The following SSBP2 variants were observed in gnomAD, a reference collection of about 807,000 sequenced individuals.
The protein encoded by SSBP2 is single-stranded DNA-binding protein 2.
A neutral mutation model predicts 61.8 loss-of-function variants in SSBP2; 17 were observed. The observed-to-expected ratio is 0.28, with a 90% CI of 0.19 to 0.41. SSBP2 has a LOEUF of 0.41. SSBP2 is among the 10% of genes least tolerant of loss of function. The probability of loss-of-function intolerance (pLI) is 1.00; values close to 1 mark genes in which losing one functional copy is unlikely to be tolerated. For missense variants in SSBP2, 310 were observed against 458.7 expected (o/e 0.68, Z 2.96); for synonymous variants, 139 against 141.3 (o/e 0.98, Z 0.12).
chr5:81,591,238 A>G (rs1775476791), intron 4 of SSBP2, among the ~76,000 whole-genome samples: 1 of 152,000 alleles, frequency 6.6e-6, no homozygotes, highest in Non-Finnish European at 1.5e-5. Flanking sequence ...CACAAACAAA[A>G]CCCAAGCCCA....
At chr5:81,522,402 A>T (rs548214346) in intron 4 of SSBP2, among the ~76,000 whole-genome samples, 1 of 152,070 alleles carries the variant, frequency 6.6e-6, no homozygotes, top group Non-Finnish European at 1.5e-5. Context: ...TTTTTTAAAT[A>T]CAATTTTTAT....
At chr5:81,613,772 T>C (rs1745693568) in intron 4 of SSBP2, among the ~76,000 whole-genome samples, 1 of 152,194 alleles carries the variant, frequency 6.6e-6, no homozygotes, top group African/African-American at 2.4e-5. Flanking sequence ...AAGGAAAAGA[T>C]GAGATGGGGT....
chr5:81,561,518 A>T (rs2153415451), intron 4 of SSBP2, among the ~76,000 whole-genome samples: 1 of 152,266 alleles, frequency 6.6e-6, no homozygotes, highest in East Asian at 1.9e-4. Context: ...AAAAATAAAT[A>T]AATAGGTAAG....
chr5:81,605,675 T>C (rs1351455905), intron 4 of SSBP2, among the ~76,000 whole-genome samples: 1 of 152,154 alleles, frequency 6.6e-6, no homozygotes, highest in East Asian at 1.9e-4. Context: ...TTGCTATTAC[T>C]TTAACACTTC....
chr5:81,693,992 A>AT lies in SSBP2; in HGVS notation c.63-43654dup, dbSNP rs747175542. ...GTGCATATACAGAATGAAGTAGGCC[A>AT]TAAAAAAAAAGAATGAGATCCTGTC... On this transcript the variant is annotated intron_variant, in intron 1 of 16. Transcript: ENST00000320672. Among the ~76,000 whole-genome samples the AT allele has an allele frequency of 1.5e-4, 23 of 152,200 alleles. 1 individual carries two copies. The highest frequency in any genetic ancestry group is 1.5e-4 in the Non-Finnish European group (10 of 68,018).
intron 4 of SSBP2, among the ~76,000 whole-genome samples, chr5:81,599,630 C>A (rs1744145691): frequency 6.6e-6 from 1 of 152,212 alleles, no homozygotes; most frequent in Non-Finnish European, 1.5e-5. Context: ...ACACGCTGTT[C>A]CCTCTGTCTA....
chr5:81,522,826 T>C (rs1769595691), intron 4 of SSBP2, among the ~76,000 whole-genome samples: 1 of 152,098 alleles, frequency 6.6e-6, no homozygotes, highest in Admixed American at 6.6e-5. Flanking sequence ...GTGCTACTTT[T>C]TTTGGTCTGT....
At chr5:81,521,827 AG>A (rs1026413567) in intron 4 of SSBP2, among the ~76,000 whole-genome samples, 17 of 151,964 alleles carry the variant, frequency 1.1e-4, no homozygotes, top group African/African-American at 1.7e-4. Flanking sequence ...AAACCTCACA[AG>A]GGTCATTTTT....
rs144528312 is a variant in SSBP2, at chr5:81,747,029, G to C, written c.62+3952C>G. On this transcript the variant is annotated intron_variant, in intron 1 of 16. Coordinates refer to ENST00000320672, the MANE Select transcript of SSBP2 (RefSeq NM_012446.5). ...GCAATCAAACAAAATTCCTGGGGGG[G>C]GGGGGAATCTGAAGAAACAAGTTTT... Among the ~76,000 whole-genome samples the C allele has an allele frequency of 1.9e-3, 269 of 139,822 alleles. 13 individuals are homozygous for C. The highest frequency in any genetic ancestry group is 6.6e-3 in the African/African-American group (258 of 38,942). 91.7% of individuals were successfully genotyped at this position (139,822 alleles called of 152,430 possible). A position where few individuals can be genotyped will look rare whatever the true frequency, so the allele number is the denominator to read the frequency against.
intron 1 of SSBP2, among the ~76,000 whole-genome samples, chr5:81,709,139 G>A (rs1454511715): frequency 2.0e-5 from 3 of 151,882 alleles, no homozygotes; most frequent in African/African-American, 7.2e-5. Context: ...TATTTGCAAA[G>A]GCTAAAACAC....
intron 12 of SSBP2, among the ~76,000 whole-genome samples, chr5:81,444,404 G>GT (rs1199605030): frequency 6.6e-6 from 1 of 152,114 alleles, no homozygotes; most frequent in Non-Finnish European, 1.5e-5. Context: ...CTTCCATGAG[G>GT]TTTTTTCCTG....
chr5:81,544,716 C>T, intron 4 of SSBP2, among the ~76,000 whole-genome samples: 1 of 152,160 alleles, frequency 6.6e-6, no homozygotes, highest in East Asian at 1.9e-4. Flanking sequence ...ATTTAGTGAA[C>T]AAAGAAAGGA....
intron 8 of SSBP2, 51 bp from the exon 9 acceptor site, chr5:81,467,116 G>T: frequency 8.3e-7 from 1 of 1,207,282 alleles, no homozygotes; most frequent in Non-Finnish European, 1.2e-6. Context: ...AAAGAAAGGA[G>T]AGCACGTTAA....
chr5:81,495,653 C>A (rs1399851305), intron 5 of SSBP2, among the ~76,000 whole-genome samples: 1 of 152,144 alleles, frequency 6.6e-6, no homozygotes. Flanking sequence ...ACTATCAGAG[C>A]AACAACTATC....
chr5:81,751,464 T>A (rs766588606), upstream of SSBP2, among the ~76,000 whole-genome samples: 4 of 151,738 alleles, frequency 2.6e-5, no homozygotes, highest in African/African-American at 4.8e-5. Flanking sequence ...CGCGCTCAGC[T>A]CCTCACTGGA....
intron 16 of SSBP2, among the ~76,000 whole-genome samples, chr5:81,422,953 T>C (rs982069402): frequency 6.6e-6 from 1 of 152,262 alleles, no homozygotes; most frequent in Admixed American, 6.5e-5. Context: ...TCTCACATTA[T>C]AAACAATGAC....
intron 5 of SSBP2, among the ~76,000 whole-genome samples, chr5:81,492,832 A>G (rs1476653761): frequency 2.6e-5 from 4 of 152,208 alleles, no homozygotes; most frequent in African/African-American, 9.6e-5. Flanking sequence ...GAGTTAAACC[A>G]GGTGACTTCT....
intron 4 of SSBP2, among the ~76,000 whole-genome samples, chr5:81,572,539 T>C (rs1447560446): frequency 1.3e-5 from 2 of 152,280 alleles, no homozygotes; most frequent in East Asian, 1.9e-4. Context: ...AGCAAAGGAA[T>C]GGCTCATTGG....
At chr5:81,520,822 G>A (rs1769424180) in intron 4 of SSBP2, among the ~76,000 whole-genome samples, 1 of 151,858 alleles carries the variant, frequency 6.6e-6, no homozygotes, top group African/African-American at 2.4e-5. Context: ...TTCTCCTTGT[G>A]CCTCTACCAA....
Sources: gnomAD v4.1 joint callset for allele counts (sites outside exome capture counted in the v4.1 genomes callset) on GRCh38, gnomAD v4.1.1 for gene constraint, MANE v1.5 for transcripts, NCBI Gene and HGNC (gene_info 2026-07-23, HGNC 2026-07-21) for gene names.